Variants in DIAPH2 observed in about 807,000 individuals in gnomAD.
DIAPH2 encodes the protein protein diaphanous homolog 2.
In DIAPH2, 35 loss-of-function variants were observed where a neutral mutation model predicts 92.7. The observed-to-expected ratio is 0.38, with a 90% CI of 0.29 to 0.50. The LOEUF (loss-of-function observed/expected upper bound fraction) is 0.50, where lower values mean the gene tolerates loss of function less well. Among genes scored for constraint, DIAPH2 ranks in the 20% least tolerant of loss-of-function variants. The pLI, the probability that DIAPH2 is intolerant of heterozygous loss-of-function variation, is 0.94. For synonymous variants in DIAPH2, 301 were observed against 280.4 expected (o/e 1.07, Z -0.73); for missense variants, 701 against 819.5 (o/e 0.86, Z 1.77).
rs1436718743 is a variant in DIAPH2 at position 97,439,322 on chromosome X, C to T, written c.3241+9577C>T. Among the ~76,000 whole-genome samples the T allele has an allele frequency of 5.4e-5, 6 of 111,107 alleles. No individual in the cohort carries two copies. The East Asian group carries it at 1.7e-3, about 32-fold the overall frequency. The stretch of plus-strand genomic sequence containing the variant: ...GGGTGCGGTGGTTCACACCTGTAAT[C>T]CCAGCACTTTGGGAGGCCGAGGCAG... On this transcript the variant is annotated intron_variant, in intron 26 of 26. Coordinates refer to ENST00000324765, the MANE Select transcript of DIAPH2 (RefSeq NM_006729.5).
At chrX:96,746,652 C>A (rs2064152273) in intron 3 of DIAPH2, among the ~76,000 whole-genome samples, 1 of 110,162 alleles carries the variant, frequency 9.1e-6, no homozygotes, top group East Asian at 2.8e-4. Context: ...CTTCTGGGAT[C>A]ACACAATCCT....
At chrX:97,023,544 G>GT (rs1446206274) in intron 17 of DIAPH2, among the ~76,000 whole-genome samples, 1 of 111,919 alleles carries the variant, frequency 8.9e-6, no homozygotes, top group Non-Finnish European at 1.9e-5. Context: ...CAGCTAGTAA[G>GT]TGGGAGAGCT....
At chrX:97,231,077 A>C (rs2068005678) in intron 22 of DIAPH2, among the ~76,000 whole-genome samples, 1 of 112,395 alleles carries the variant, frequency 8.9e-6, no homozygotes, top group Admixed American at 9.5e-5. Context: ...GGGAAACTTT[A>C]GAATTTCATC....
In DIAPH2 at chrX:97,142,780, T is replaced by C. The variant is rs1343234210; in HGVS notation, c.2719+986T>C. Among the ~76,000 whole-genome samples, 3 of 112,106 alleles carry C rather than the reference T, an allele frequency of 2.7e-5. No homozygotes were observed. The East Asian group carries it at 8.4e-4, about 31-fold the overall frequency. ...AGAAGTACACCATAAATCTTATACTTGAAATTACGCTGAAGTAATTTCATT... is the reference window on the plus strand; with the variant it reads ...AGAAGTACACCATAAATCTTATACTCGAAATTACGCTGAAGTAATTTCATT... On this transcript the variant is annotated intron_variant, in intron 22 of 26. Transcript: ENST00000324765.
At chrX:97,556,323 T>C (rs1248824522) in intron 26 of DIAPH2, among the ~76,000 whole-genome samples, 1 of 112,206 alleles carries the variant, frequency 8.9e-6, no homozygotes, top group Non-Finnish European at 1.9e-5. Flanking sequence ...CATCATCCAT[T>C]TATTTATTCA....
rs772880446 is a variant in DIAPH2, at chrX:97,135,856, A to AC, written c.2590-5805dup. ...ATAGGCAACAAATGTTGGTTCTCCT[A>AC]CCCCTTAAAAGAGGAATAGGATATT... On this transcript the variant is annotated intron_variant, in intron 21 of 26. Coordinates refer to ENST00000324765, the MANE Select transcript of DIAPH2 (RefSeq NM_006729.5). Among the ~76,000 whole-genome samples, 6 of 111,867 alleles carry AC rather than the reference A, an allele frequency of 5.4e-5. No homozygotes were observed. The South Asian group carries it at 2.3e-3, about 42-fold the overall frequency.
intron 26 of DIAPH2, among the ~76,000 whole-genome samples, chrX:97,546,413 AT>A (rs749083611): frequency 1.8e-5 from 2 of 111,817 alleles, no homozygotes; most frequent in East Asian, 5.6e-4. Context: ...AACCTTGTAG[AT>A]TTTTTTCCCC....
intron 7 of DIAPH2, 105 bp downstream of exon 7, chrX:96,912,657 C>T (rs2065475722): frequency 3.1e-6 from 3 of 961,709 alleles, no homozygotes; most frequent in Non-Finnish European, 4.0e-6. Flanking sequence ...TTTTTAATTT[C>T]CAGGGTACAT....
intron 22 of DIAPH2, among the ~76,000 whole-genome samples, chrX:97,143,404 A>G (rs1269451937): frequency 1.8e-5 from 2 of 110,568 alleles, no homozygotes; most frequent in Non-Finnish European, 3.8e-5. Flanking sequence ...TTTGTTCAAC[A>G]TGTATAATCA....
At chrX:97,003,422 CAAT>C (rs2066158427) in intron 17 of DIAPH2, among the ~76,000 whole-genome samples, 1 of 111,936 alleles carries the variant, frequency 8.9e-6, no homozygotes, top group Non-Finnish European at 1.9e-5. Flanking sequence ...CCACCAACAA[CAAT>C]ATACAAGGCT....
intron 15 of DIAPH2, among the ~76,000 whole-genome samples, chrX:96,955,020 T>A (rs1037939548): frequency 8.9e-6 from 1 of 112,786 alleles, no homozygotes; most frequent in Non-Finnish European, 1.9e-5. Context: ...AAAGTTAATT[T>A]TTCATTATTT....
At chrX:97,179,202 A>G (rs142177866) in intron 22 of DIAPH2, among the ~76,000 whole-genome samples, 1 of 107,874 alleles carries the variant, frequency 9.3e-6, no homozygotes, top group African/African-American at 3.4e-5. Flanking sequence ...CATTGGTTCA[A>G]TGCGAGGCTG....
chrX:97,570,843 G>A (rs1458831156), intron 26 of DIAPH2, among the ~76,000 whole-genome samples: 2 of 111,511 alleles, frequency 1.8e-5, no homozygotes, highest in Non-Finnish European at 3.8e-5. Context: ...ATATGTACAA[G>A]GTTATATTTA....
At chrX:96,767,662 G>A (rs1489956673) in intron 4 of DIAPH2, among the ~76,000 whole-genome samples, 4 of 111,310 alleles carry the variant, frequency 3.6e-5, no homozygotes, top group Non-Finnish European at 5.6e-5. Flanking sequence ...TGTTCAAGAT[G>A]TTTGCTATTT....
intron 26 of DIAPH2, among the ~76,000 whole-genome samples, chrX:97,548,554 A>C (rs1197766701): frequency 8.9e-6 from 1 of 112,301 alleles, no homozygotes; most frequent in Non-Finnish European, 1.9e-5. Flanking sequence ...ATCTAATTTA[A>C]TTGAATGTAC....
chrX:96,962,498 T>C (rs6620210), intron 16 of DIAPH2, among the ~76,000 whole-genome samples: 1,076 of 9,511 alleles, frequency 0.11, 80 homozygotes, highest in East Asian at 0.2. Flanking sequence ...CACACACACA[T>C]ATATATATAT....
chrX:97,529,545 A>G (rs183922954), intron 26 of DIAPH2, among the ~76,000 whole-genome samples: 1 of 112,203 alleles, frequency 8.9e-6, no homozygotes, highest in Admixed American at 9.5e-5. Flanking sequence ...TATGTTTTAC[A>G]GATAAGGGGA....
At chrX:97,447,353 A>T (rs1467491335) in intron 26 of DIAPH2, among the ~76,000 whole-genome samples, 1 of 110,655 alleles carries the variant, frequency 9.0e-6, no homozygotes, top group Non-Finnish European at 1.9e-5. Flanking sequence ...TTCTCTCAGC[A>T]GGGAAGTTCC....
chrX:96,814,656 T>G (rs1342937327), intron 4 of DIAPH2, among the ~76,000 whole-genome samples: 2 of 112,260 alleles, frequency 1.8e-5, no homozygotes, highest in African/African-American at 6.5e-5. Flanking sequence ...CTTCTCATCT[T>G]TGTGGTTTTA....
Sources: allele counts gnomAD v4.1 joint callset (sites outside exome capture counted in the v4.1 genomes callset), GRCh38; gene constraint gnomAD v4.1.1; transcripts MANE v1.5; gene names NCBI Gene and HGNC (gene_info 2026-07-23, HGNC 2026-07-21).